The following LRP8 variants were observed in gnomAD, a reference collection of about 807,000 sequenced individuals.
LRP8 encodes low-density lipoprotein receptor-related protein 8.
In LRP8, 46 loss-of-function variants were observed where a neutral mutation model predicts 111.6. That is an observed-to-expected ratio of 0.41 (90% confidence interval 0.33 to 0.53). LRP8 has a LOEUF of 0.53. LRP8 is among the 20% of genes least tolerant of loss of function. The pLI, the probability that LRP8 is intolerant of heterozygous loss-of-function variation, is 0.20. For synonymous variants in LRP8, 464 were observed against 511.2 expected (o/e 0.91, Z 1.24); for missense variants, 959 against 1,297.4 (o/e 0.74, Z 4.01).
chr1:53,301,322 A>G (rs1650807563), intron 2 of LRP8, among the ~76,000 whole-genome samples: 1 of 152,140 alleles, frequency 6.6e-6, no homozygotes, highest in South Asian at 2.1e-4. Flanking sequence ...GACAGGTTTG[A>G]GACTCCATCC....
chr1:53,276,089 C>T (rs916857050), intron 5 of LRP8, among the ~76,000 whole-genome samples: 2 of 152,246 alleles, frequency 1.3e-5, no homozygotes, highest in East Asian at 3.9e-4. Flanking sequence ...GTGCTCATTA[C>T]TTAATGACTT....
intron 13 of LRP8, among the ~76,000 whole-genome samples, chr1:53,258,836 A>G (rs1036151859): frequency 6.6e-6 from 1 of 151,744 alleles, no homozygotes; most frequent in Non-Finnish European, 1.5e-5. Context: ...TAGCTTAGCT[A>G]TACTCTGTAT....
In LRP8 at chr1:53,249,567, G is replaced by T. The variant is rs754188823; in HGVS notation, c.2677-11C>A. 4.8e-5 allele frequency: 76 copies of T among 1,580,972 alleles called. No individual in the cohort carries two copies. The highest frequency in any genetic ancestry group is 6.4e-5 in the Non-Finnish European group (75 of 1,163,738). On this transcript the variant is annotated splice_polypyrimidine_tract_variant and intron_variant, in intron 17 of 18. Coordinates refer to ENST00000306052, the MANE Select transcript of LRP8 (RefSeq NM_004631.5). The surrounding 1 kb of genome is among the most constrained non-coding windows in gnomAD (Gnocchi z 4.1). ...AAAGCTGCTGATTGCCTGACAGGGG[G>T]ATGGCACTGTGGATGACCTCTGAGG... is the stretch of plus-strand genomic sequence containing the variant.
chr1:53,297,883 G>T (rs1572602182), intron 2 of LRP8, among the ~76,000 whole-genome samples: 1 of 152,186 alleles, frequency 6.6e-6, no homozygotes, highest in East Asian at 1.9e-4. Flanking sequence ...ACCAAGGCAT[G>T]AAAATGAGGT....
Position 53,275,540 on chromosome 1 carries a change from G to A in LRP8, c.1006+91C>T. 3 of 1,529,018 alleles carry A rather than the reference G, an allele frequency of 2.0e-6. No individual in the cohort carries two copies. Among genetic ancestry groups the A allele is most frequent in the Non-Finnish European group, 2.7e-6 (3 of 1,125,186 alleles). The allele number at this position is 1,529,018 out of a possible 1,614,324, so 94.7% of individuals were successfully genotyped here. A position where few individuals can be genotyped will look rare whatever the true frequency, so the allele number is the denominator to read the frequency against. The stretch of plus-strand genomic sequence containing the variant: ...GGGAAAATGCATCTTGGGGACCAAG[G>A]GGAAACTCCTCCCAACTCTGCCCTC... On this transcript the variant is annotated intron_variant, in intron 6 of 18. Transcript: ENST00000306052. The surrounding 1 kb of genome is among the most constrained non-coding windows in gnomAD (Gnocchi z 4.4).
Position 53,250,744 on chromosome 1 carries a change from G to T in LRP8, c.2622C>A (p.Asp874Glu), listed in dbSNP as rs3737983. Residue 874 changes from aspartate to glutamate, a missense_variant, in exon 17 of 19, where the codon GAC (aspartate) becomes GAA (glutamate). This residue lies in a region of LRP8 where 819 missense variants were observed against 1,097.6 expected (regional missense o/e 0.75). Coordinates refer to ENST00000306052, the MANE Select transcript of LRP8 (RefSeq NM_004631.5). The surrounding 1 kb of genome is among the most constrained non-coding windows in gnomAD (Gnocchi z 4.6). ...PVYRKTTEEE[D>E]EDELHIGRTA... is the part of the protein sequence containing the mutation. ...TTCTCCCTATATGGAGCTCATCTTCGTCTTCTTCTTCTGTTGTTTTCCTGT... is the reference window on the plus strand; with the variant it reads ...TTCTCCCTATATGGAGCTCATCTTCTTCTTCTTCTTCTGTTGTTTTCCTGT... 9.9e-6 allele frequency: 16 copies of T among 1,613,632 alleles called. No individual in the cohort carries two copies. In the African/African-American group the frequency reaches 2.1e-4, roughly 22 times the overall value.
intron 2 of LRP8, among the ~76,000 whole-genome samples, chr1:53,292,972 G>A (rs1448409901): frequency 1.3e-5 from 2 of 152,182 alleles, no homozygotes; most frequent in African/African-American, 4.8e-5. Flanking sequence ...TCTGTTCTAC[G>A]TTCTGCACTG....
chr1:53,265,387 C>G (rs960036211), intron 9 of LRP8, among the ~76,000 whole-genome samples: 8 of 152,158 alleles, frequency 5.3e-5, no homozygotes, highest in Admixed American at 5.2e-4. Context: ...TGTTCATCCC[C>G]ATTCCCTTCC....
Position 53,250,024 on chromosome 1 carries a change from C to T in LRP8, c.2677-468G>A, listed in dbSNP as rs931903797. On this transcript the variant is annotated intron_variant, in intron 17 of 18. Transcript: ENST00000306052. This position sits in a 1 kb window ranked among gnomAD's most constrained non-coding sequence, Gnocchi z 4.6. ...TGACAGGGGCTGTGAGGTAGAGAGG[C>T]CCAGAGTACTGTGGGAGAACAAAGC... Among the ~76,000 whole-genome samples the T allele has an allele frequency of 1.1e-4, 16 of 152,232 alleles. No individual in the cohort carries two copies. Among genetic ancestry groups the T allele is most frequent in the Non-Finnish European group, 2.2e-4 (15 of 68,018 alleles).
chr1:53,257,295 A>G lies in LRP8; in HGVS notation c.2379T>C (p.Ala793=), dbSNP rs768867770. The change falls in exon 15 of 19, where the codon GCT becomes GCC. Residue 793 remains alanine, a synonymous_variant. Transcript: ENST00000306052. ...AVPSSVSVPR[A]PSISPSTLSP... is the part of the protein sequence containing the mutation. ...TTAGGGTAGACGGGCTGATGCTGGG[A>G]GCCCTGGGGACACTAACTGAGCTTG... The G allele has an allele frequency of 2.5e-6, 4 of 1,613,964 alleles. No individual in the cohort carries two copies. In the South Asian group the frequency reaches 4.4e-5, roughly 18 times the overall value.
chr1:53,268,898 C>G (rs139900431), intron 8 of LRP8, among the ~76,000 whole-genome samples: 6 of 152,292 alleles, frequency 3.9e-5, no homozygotes, highest in African/African-American at 1.4e-4. Context: ...AAGGGTTCAG[C>G]CACCATCACC....
chr1:53,262,271 T>G lies in LRP8; in HGVS notation c.1775-64A>C. The G allele has an allele frequency of 1.9e-6, 3 of 1,597,864 alleles. No homozygotes were observed. The highest frequency in any genetic ancestry group is 2.6e-6 in the Non-Finnish European group (3 of 1,170,000). On this transcript the variant is annotated intron_variant, in intron 11 of 18. Transcript: ENST00000306052. This position sits in a 1 kb window ranked among gnomAD's most constrained non-coding sequence, Gnocchi z 4.8. Reference sequence around the variant, plus strand: ...CCCAGTCTGGAGCTCTGTTCCTTTGTACCTCTCCCTGCCCACATTTCTAGG... The same window carrying G: ...CCCAGTCTGGAGCTCTGTTCCTTTGGACCTCTCCCTGCCCACATTTCTAGG...
chr1:53,307,239 G>A (rs1300323945), intron 2 of LRP8: 3 of 152,242 alleles, frequency 2.0e-5, no homozygotes, highest in Non-Finnish European at 4.4e-5. Flanking sequence ...TCCAGTTTTG[G>A]GTTTTCCCAT....
At position 53,275,628 on chromosome 1, in the gene LRP8, C is replaced by T. The variant is rs779075412; in HGVS notation, c.1006+3G>A. ...ATGTGTTCTGTGCCCTGACCACACG[C>T]ACCCTGTAGGCAGCCAGCTTCATCA... is the stretch of plus-strand genomic sequence containing the variant. On this transcript the variant is annotated splice_donor_region_variant and intron_variant, in intron 6 of 18. Transcript: ENST00000306052. This position sits in a 1 kb window ranked among gnomAD's most constrained non-coding sequence, Gnocchi z 4.4. 19 of 1,613,932 alleles carry T rather than the reference C, an allele frequency of 1.2e-5. No homozygotes were observed. Among genetic ancestry groups the T allele is most frequent in the Non-Finnish European group, 1.6e-5 (19 of 1,179,896 alleles).
At chr1:53,261,932 T>C (rs1646355173) in intron 12 of LRP8, 136 bp downstream of exon 12, 7 of 1,087,822 alleles carry the variant, frequency 6.4e-6, no homozygotes, top group Non-Finnish European at 9.2e-6. Flanking sequence ...AGCTCACAGA[T>C]TGTTTACAAA....
Position 53,279,931 on chromosome 1 carries a change from G to T in LRP8, c.496+656C>A, listed in dbSNP as rs1435828818. 6.6e-6 allele frequency among the ~76,000 whole-genome samples: 1 copy of T among 152,214 alleles called. No homozygotes were observed. The highest frequency in any genetic ancestry group is 1.5e-5 in the Non-Finnish European group (1 of 68,032). On this transcript the variant is annotated intron_variant, in intron 4 of 18. Transcript: ENST00000306052. This position sits in a 1 kb window ranked among gnomAD's most constrained non-coding sequence, Gnocchi z 4.4. Reference sequence around the variant, plus strand: ...TGAGGCCTGGCCATGCTCCCCAATGGCCCAGGCCCTGCTGGCCTGCTCCCT... The same window carrying T: ...TGAGGCCTGGCCATGCTCCCCAATGTCCCAGGCCCTGCTGGCCTGCTCCCT...
At chr1:53,259,702 C>A (rs1646256173) in intron 13 of LRP8, among the ~76,000 whole-genome samples, 1 of 152,126 alleles carries the variant, frequency 6.6e-6, no homozygotes, top group South Asian at 2.1e-4. Flanking sequence ...CTGCCTCAGC[C>A]TCTCAGTGTT....
rs1251764643 is a variant in LRP8, at chr1:53,245,392, G to A, written c.*1626C>T. 1 of 152,168 alleles carries A rather than the reference G, an allele frequency of 6.6e-6. No individual in the cohort carries two copies. Among genetic ancestry groups the A allele is most frequent in the Non-Finnish European group, 1.5e-5 (1 of 68,012 alleles). 9.4% of individuals were successfully genotyped at this position (152,168 alleles called of 1,614,324 possible). On this transcript the variant is annotated 3_prime_UTR_variant, in exon 19 of 19. Coordinates refer to ENST00000306052, the MANE Select transcript of LRP8 (RefSeq NM_004631.5). ...AAGAAACTCAAACTCTTTCTCTTTGGATGGGAAAGCCACTGGGGACTGAAT... is the reference window on the plus strand; with the variant it reads ...AAGAAACTCAAACTCTTTCTCTTTGAATGGGAAAGCCACTGGGGACTGAAT...
chr1:53,255,121 G>A lies in LRP8; in HGVS notation c.2499C>T (p.Pro833=). The A allele has an allele frequency of 1.2e-6, 2 of 1,613,476 alleles. No individual in the cohort carries two copies. ...VTAAVIGIIV[P]IVVIALLCMS... is the part of the protein sequence containing the mutation. ...GTGACTGGGGGCCACACTCACCTAT[G>A]GGCACGATGATCCCGATAACAGCGG... Residue 833 remains proline (P), a synonymous_variant, in exon 16 of 19, where the codon CCC becomes CCT. Coordinates refer to ENST00000306052, the MANE Select transcript of LRP8 (RefSeq NM_004631.5).
Sources: allele counts gnomAD v4.1 joint callset (sites outside exome capture counted in the v4.1 genomes callset), GRCh38; gene constraint gnomAD v4.1.1; regional missense constraint gnomAD v4.1.1; non-coding constraint Gnocchi (gnomAD v3.1); transcripts MANE v1.5; gene names NCBI Gene and HGNC (gene_info 2026-07-23, HGNC 2026-07-21).